THSD7B: variants seen among roughly 807,000 people sequenced by gnomAD.
The protein encoded by THSD7B is thrombospondin type 1 domain containing 7B, also known as thrombospondin type-1 domain-containing protein 7B.
A neutral mutation model predicts 213.6 loss-of-function variants in THSD7B; 138 were observed. The observed-to-expected ratio is 0.65, with a 90% CI of 0.56 to 0.74. THSD7B has a LOEUF of 0.74. THSD7B is among the 30% of genes least tolerant of loss of function. The pLI is 0.00. For synonymous variants in THSD7B, 742 were observed against 687.0 expected (o/e 1.08, Z -1.25); for missense variants, 1,931 against 1,991.5 (o/e 0.97, Z 0.58).
At chr2:137,154,589 G>T (rs1478814899) in intron 5 of THSD7B, among the ~76,000 whole-genome samples, 1 of 151,852 alleles carries the variant, frequency 6.6e-6, no homozygotes, top group Non-Finnish European at 1.5e-5. Flanking sequence ...CTTACAAAAT[G>T]GCTATCAATA....
intron 17 of THSD7B, among the ~76,000 whole-genome samples, chr2:137,590,583 A>T (rs1470211779): frequency 2.0e-5 from 3 of 152,070 alleles, no homozygotes; most frequent in African/African-American, 4.8e-5. Context: ...TATATTAGAC[A>T]TCTTTATTTT....
intron 2 of THSD7B, among the ~76,000 whole-genome samples, chr2:136,979,881 T>G (rs1685545085): frequency 6.6e-6 from 1 of 152,174 alleles, no homozygotes; most frequent in Non-Finnish European, 1.5e-5. Context: ...TTGCATTGAT[T>G]TTTTTTCTCA....
chr2:137,488,734 A>T (rs1018382509), intron 15 of THSD7B, among the ~76,000 whole-genome samples: 3 of 152,228 alleles, frequency 2.0e-5, no homozygotes, highest in African/African-American at 7.2e-5. Flanking sequence ...ATTCACTTGT[A>T]TCTTGCCTGA....
chr2:137,386,390 A>G (rs564981289), intron 12 of THSD7B, among the ~76,000 whole-genome samples: 6 of 152,178 alleles, frequency 3.9e-5, no homozygotes, highest in Non-Finnish European at 8.8e-5. Context: ...CTCTCTCAGC[A>G]ACTTGATATG....
intron 3 of THSD7B, among the ~76,000 whole-genome samples, chr2:137,087,041 T>C (rs1687854427): frequency 6.6e-6 from 1 of 152,174 alleles, no homozygotes; most frequent in South Asian, 2.1e-4. Context: ...CATGTATTCA[T>C]ATCCTGGGAT....
At chr2:136,789,081 T>G (rs1681916765) in intron 1 of THSD7B, among the ~76,000 whole-genome samples, 1 of 152,090 alleles carries the variant, frequency 6.6e-6, no homozygotes, top group South Asian at 2.1e-4. Context: ...CAGTACAAAA[T>G]TAGGTTCTTG....
chr2:137,110,039 C>T (rs1688320146), intron 4 of THSD7B, among the ~76,000 whole-genome samples: 1 of 152,144 alleles, frequency 6.6e-6, no homozygotes, highest in Non-Finnish European at 1.5e-5. Context: ...ACCACTTGCC[C>T]AACATCCTTA....
At chr2:136,993,200 A>C (rs1042589053) in intron 2 of THSD7B, among the ~76,000 whole-genome samples, 1 of 152,252 alleles carries the variant, frequency 6.6e-6, no homozygotes, top group African/African-American at 2.4e-5. Flanking sequence ...AGAACAAATC[A>C]TTGAGTGCTT....
chr2:137,250,738 T>C (rs1486391438), intron 10 of THSD7B, among the ~76,000 whole-genome samples: 1 of 152,154 alleles, frequency 6.6e-6, no homozygotes, highest in Non-Finnish European at 1.5e-5. Context: ...AACACAAAAC[T>C]ACCTGAATAA....
intron 15 of THSD7B, among the ~76,000 whole-genome samples, chr2:137,461,146 G>T (rs1687876438): frequency 6.6e-6 from 1 of 151,544 alleles, no homozygotes; most frequent in Non-Finnish European, 1.5e-5. Flanking sequence ...TCCAGTCTGG[G>T]GCTATTACAA....
At chr2:136,781,481 A>G (rs1166699098) in intron 1 of THSD7B, among the ~76,000 whole-genome samples, 1 of 151,328 alleles carries the variant, frequency 6.6e-6, no homozygotes, top group Non-Finnish European at 1.5e-5. Context: ...CATGTTGGCC[A>G]GGCTGGTCTT....
intron 2 of THSD7B, among the ~76,000 whole-genome samples, chr2:136,904,945 G>C (rs558738257): frequency 9.2e-5 from 14 of 152,280 alleles, no homozygotes; most frequent in African/African-American, 3.1e-4. Context: ...ATGTTGGAGC[G>C]GTACAGCCTC....
In THSD7B at chr2:136,882,177, G is replaced by A. The variant is rs557062781; in HGVS notation, c.-2G>A. ...AAGTCAAGAGGCTGAAAAATCTGAAGCATGTTTCCAAAGAGCAACCTAACA... is the reference window on the plus strand; with the variant it reads ...AAGTCAAGAGGCTGAAAAATCTGAAACATGTTTCCAAAGAGCAACCTAACA... On this transcript the variant is annotated 5_prime_UTR_variant, in exon 2 of 28. Coordinates refer to ENST00000409968, the MANE Select transcript of THSD7B (RefSeq NM_001316349.2). 1.3e-5 allele frequency: 20 copies of A among 1,499,626 alleles called. No homozygotes were observed. In the African/African-American group the frequency reaches 2.3e-4, roughly 17 times the overall value. 92.9% of individuals were successfully genotyped at this position (1,499,626 alleles called of 1,614,324 possible). A position where few individuals can be genotyped will look rare whatever the true frequency, so the allele number is the denominator to read the frequency against.
At chr2:137,289,976 A>G (rs528407560) in intron 12 of THSD7B, among the ~76,000 whole-genome samples, 1 of 152,184 alleles carries the variant, frequency 6.6e-6, no homozygotes, top group South Asian at 2.1e-4. Flanking sequence ...ACCAAGGTAT[A>G]AGGGCAATGT....
In THSD7B at chr2:137,275,984, A is replaced by G. The variant is rs1167540731; in HGVS notation, c.2458A>G (p.Thr820Ala). The G allele has an allele frequency of 6.2e-7, 1 of 1,612,356 alleles. No individual in the cohort carries two copies. The highest frequency in any genetic ancestry group is 8.5e-7 in the Non-Finnish European group (1 of 1,178,932). ...LVPESVWQGI[T>A]GSSEACGKGL... Reference sequence around the variant, plus strand: ...GCCAGAGTCTGTCTGGCAGGGAATAACGGGCAGCAGTGAAGCCTGTGGAAA... The same window carrying G: ...GCCAGAGTCTGTCTGGCAGGGAATAGCGGGCAGCAGTGAAGCCTGTGGAAA... The change falls in exon 12 of 28, where the codon ACG becomes GCG. Residue 820 changes from threonine (T) to alanine (A), a missense_variant. By Grantham distance (58) the Thr-to-Ala change is moderately conservative (BLOSUM62 0). Transcript: ENST00000409968.
Position 137,057,061 on chromosome 2 carries a change from C to A in THSD7B, c.781C>A (p.Pro261Thr). 6.2e-7 allele frequency: 1 copy of A among 1,613,864 alleles called. No individual in the cohort carries two copies. The highest frequency in any genetic ancestry group is 8.5e-7 in the Non-Finnish European group (1 of 1,179,884). Residue 261 changes from proline to threonine, a missense_variant, in exon 3 of 28, where the codon CCA becomes ACA. By Grantham distance (38) the Pro-to-Thr change is conservative (BLOSUM62 -1). Coordinates refer to ENST00000409968, the MANE Select transcript of THSD7B (RefSeq NM_001316349.2). ...CRLPHLKEINPSGRTVLDFNS... is the reference protein window; with the variant it reads ...CRLPHLKEINTSGRTVLDFNS... ...ACTGCCTCATCTTAAAGAAATTAATCCAAGCGGAAGAACTGTTCTGGATTT... is the reference window on the plus strand; with the variant it reads ...ACTGCCTCATCTTAAAGAAATTAATACAAGCGGAAGAACTGTTCTGGATTT...
intron 12 of THSD7B, among the ~76,000 whole-genome samples, chr2:137,388,805 A>G (rs967942222): frequency 6.6e-6 from 1 of 152,132 alleles, no homozygotes; most frequent in Non-Finnish European, 1.5e-5. Context: ...ACTTAACATA[A>G]TGACCTTCAG....
chr2:137,551,635 T>C (rs1680850285), intron 15 of THSD7B, among the ~76,000 whole-genome samples: 1 of 152,206 alleles, frequency 6.6e-6, no homozygotes, highest in East Asian at 1.9e-4. Context: ...TATTTATCAA[T>C]ACATTTTGTT....
rs1232612176 is a variant in THSD7B, at chr2:137,271,407, G to GGCTT, written c.2267-1126_2267-1125insGCTT. Among the ~76,000 whole-genome samples the GGCTT allele has an allele frequency of 8.3e-4, 112 of 134,702 alleles. 2 individuals carry two copies. In the East Asian group the frequency reaches 0.017, roughly 21 times the overall value. 88.4% of individuals were successfully genotyped at this position (134,702 alleles called of 152,430 possible). ...TATATATTATGAATTATATATATAT[G>GGCTT]AATTATAATATATAATTATATAATA... On this transcript the variant is annotated intron_variant, in intron 10 of 27. Coordinates refer to ENST00000409968, the MANE Select transcript of THSD7B (RefSeq NM_001316349.2).
Sources: allele counts gnomAD v4.1 joint callset (sites outside exome capture counted in the v4.1 genomes callset), GRCh38; gene constraint gnomAD v4.1.1; transcripts MANE v1.5; gene names NCBI Gene and HGNC (gene_info 2026-07-23, HGNC 2026-07-21).